Variants in KSR1 observed in about 807,000 individuals in gnomAD.
KSR1 encodes kinase suppressor of ras 1.
Under a neutral mutation model 92.9 loss-of-function variants are expected in KSR1, and 35 were observed. The observed-to-expected ratio is 0.38, with a 90% CI of 0.29 to 0.50. The LOEUF (loss-of-function observed/expected upper bound fraction) is 0.50, where lower values mean the gene tolerates loss of function less well. Ranked by LOEUF, KSR1 falls within the 20% of genes least tolerant of loss-of-function variation. KSR1 has a pLI of 0.94. For missense variants in KSR1, 972 were observed against 1,158.5 expected (o/e 0.84, Z 2.34); for synonymous variants, 467 against 472.6 (o/e 0.99, Z 0.15).
chr17:27,623,371 G>C lies in KSR1; in HGVS notation c.2766G>C (p.Glu922Asp). Residue 922 changes from glutamate to aspartate, a missense_variant, in exon 21 of 21, where the codon GAG becomes GAC. Glu to Asp is a conservative substitution (Grantham distance 45). Transcript: ENST00000644974. ...AAAGGTTTGGCTTGGGCGTCCTGGAGTCCAGTAATCCAAAGATGTAGCCAG... is the reference window on the plus strand; with the variant it reads ...AAAGGTTTGGCTTGGGCGTCCTGGACTCCAGTAATCCAAAGATGTAGCCAG... ...RFERFGLGVL[E>D]SSNPKM is the part of the protein sequence containing the mutation. 1 of 765,080 alleles carries C rather than the reference G, an allele frequency of 1.3e-6. No homozygotes were observed. The highest frequency in any genetic ancestry group is 2.4e-5 in the East Asian group (1 of 41,252). The allele number at this position is 765,080 out of a possible 1,614,324, so 47.4% of individuals were successfully genotyped here. A position where few individuals can be genotyped will look rare whatever the true frequency, so the allele number is the denominator to read the frequency against.
At chr17:27,508,878 T>A (rs1480876134) in intron 1 of KSR1, among the ~76,000 whole-genome samples, 1 of 151,994 alleles carries the variant, frequency 6.6e-6, no homozygotes, top group Admixed American at 6.6e-5. Context: ...TACAGATGCC[T>A]GCCACCATGC....
intron 1 of KSR1, among the ~76,000 whole-genome samples, chr17:27,530,437 C>T (rs1461245600): frequency 6.6e-6 from 1 of 151,220 alleles, no homozygotes; most frequent in South Asian, 2.1e-4. Context: ...AGAGTGAGAC[C>T]CTGTCTCAAA....
intron 1 of KSR1, among the ~76,000 whole-genome samples, chr17:27,457,697 T>G (rs1165097159): frequency 6.6e-6 from 1 of 152,174 alleles, no homozygotes; most frequent in Non-Finnish European, 1.5e-5. Context: ...CCGAGGGTTG[T>G]TGGGGCACCC....
chr17:27,592,287 T>G, intron 7 of KSR1, 74 bp from the exon 8 acceptor site: 1 of 1,166,832 alleles, frequency 8.6e-7, no homozygotes, highest in South Asian at 1.3e-5. Context: ...GAGTGAATGC[T>G]ACACAGAGCT....
rs1354789056 is a variant in KSR1, at chr17:27,624,618, C to CT, written c.*1228dup. 6.6e-6 allele frequency: 1 copy of CT among 152,080 alleles called. No individual in the cohort carries two copies. Among genetic ancestry groups the CT allele is most frequent in the Non-Finnish European group, 1.5e-5 (1 of 68,022 alleles). The allele number at this position is 152,080 out of a possible 1,614,324, so 9.4% of individuals were successfully genotyped here. ...ACCACGCTTGTCTTCGTTAGAAACT[C>CT]TTAACTGCAGAAAAAAGTTCCAGAT... On this transcript the variant is annotated 3_prime_UTR_variant, in exon 21 of 21. Coordinates refer to ENST00000644974, the MANE Select transcript of KSR1 (RefSeq NM_001394583.1).
Position 27,625,821 on chromosome 17 carries a change from G to C in KSR1, c.*2429G>C, listed in dbSNP as rs2074328741. 6.6e-6 allele frequency: 1 copy of C among 152,294 alleles called. No homozygotes were observed. Among genetic ancestry groups the C allele is most frequent in the Non-Finnish European group, 1.5e-5 (1 of 68,084 alleles). The allele number at this position is 152,294 out of a possible 1,614,324, so 9.4% of individuals were successfully genotyped here. ...TGCGGAAGTCCCCACGGGGGTCTGA[G>C]AGTGGAGCCCAAGCTTTGGCCCTCC... On this transcript the variant is annotated 3_prime_UTR_variant, in exon 21 of 21. Transcript: ENST00000644974.
At chr17:27,521,362 G>T (rs1219022165) in intron 1 of KSR1, among the ~76,000 whole-genome samples, 3 of 149,592 alleles carry the variant, frequency 2.0e-5, no homozygotes, top group Admixed American at 2.0e-4. Flanking sequence ...TTGAAACAGG[G>T]TCTAGCTCCA....
At chr17:27,460,761 G>A (rs117592511) in intron 1 of KSR1, among the ~76,000 whole-genome samples, 5 of 152,236 alleles carry the variant, frequency 3.3e-5, no homozygotes, top group Non-Finnish European at 5.9e-5. Flanking sequence ...AGCATCTGAT[G>A]ATGGAACTGC....
At chr17:27,458,520 C>T (rs2019286689) in intron 1 of KSR1, among the ~76,000 whole-genome samples, 1 of 152,158 alleles carries the variant, frequency 6.6e-6, no homozygotes, top group Non-Finnish European at 1.5e-5. Flanking sequence ...GCCTTTTGTC[C>T]TACCCTAACT....
chr17:27,487,905 G>A (rs960796099), intron 1 of KSR1, among the ~76,000 whole-genome samples: 1 of 152,114 alleles, frequency 6.6e-6, no homozygotes, highest in Admixed American at 6.5e-5. Context: ...CCATGACGGT[G>A]GGGACAGCAC....
intron 1 of KSR1, among the ~76,000 whole-genome samples, chr17:27,480,646 G>A (rs1393286259): frequency 6.6e-6 from 1 of 152,146 alleles, no homozygotes; most frequent in Non-Finnish European, 1.5e-5. Context: ...CGATCCACCC[G>A]CTTCGGCCTC....
At chr17:27,584,044 G>A in intron 4 of KSR1, 1 of 901,644 alleles carries the variant, frequency 1.1e-6, no homozygotes, top group Non-Finnish European at 1.3e-6. Flanking sequence ...ATGGGCGTTA[G>A]ATCATTGTCT....
chr17:27,555,242 G>A (rs970760412), intron 2 of KSR1, among the ~76,000 whole-genome samples: 3 of 152,098 alleles, frequency 2.0e-5, no homozygotes, highest in Non-Finnish European at 4.4e-5. Context: ...GGGGTAGGTG[G>A]GTTAAGCTCC....
chr17:27,526,769 A>G (rs1359553328), intron 1 of KSR1: 1 of 1,164,552 alleles, frequency 8.6e-7, no homozygotes, highest in Non-Finnish European at 1.3e-6. Flanking sequence ...ATCATCGCAC[A>G]GTTCTCTATT....
intron 4 of KSR1, among the ~76,000 whole-genome samples, chr17:27,583,651 G>A (rs192514937): frequency 4.6e-5 from 7 of 152,338 alleles, no homozygotes; most frequent in African/African-American, 1.7e-4. Flanking sequence ...GGAATATTTG[G>A]CAGAAACCAC....
rs548076161 is a variant in KSR1 at position 27,489,332 on chromosome 17, C to T, written c.231+32458C>T. Among the ~76,000 whole-genome samples, 16 of 152,302 alleles carry T rather than the reference C, an allele frequency of 1.1e-4. No individual in the cohort carries two copies. The East Asian group carries it at 1.5e-3, about 15-fold the overall frequency. On this transcript the variant is annotated intron_variant, in intron 1 of 20. Transcript: ENST00000644974. ...TTCTTTTGATTGTGCAACATCCCTG[C>T]GAGGGATCTGGGTCTGCCCTTCTGC...
chr17:27,617,654 A>C (rs553256517), intron 19 of KSR1: 1,026 of 495,314 alleles, frequency 2.1e-3, no homozygotes, highest in Non-Finnish European at 3.5e-3. Flanking sequence ...CAGCCTCCCG[A>C]GTAGCTGGGA....
rs1471901386 is a variant in KSR1, at chr17:27,547,835, C to T, written c.232-2733C>T. 2.0e-5 allele frequency among the ~76,000 whole-genome samples: 3 copies of T among 152,302 alleles called. No homozygotes were observed. The East Asian group carries it at 5.8e-4, about 29-fold the overall frequency. ...TCAAGTGATTCTCCTGCCTCAGCCT[C>T]CCGAGTAGCTGGGATTACCGGCGTG... is the stretch of plus-strand genomic sequence containing the variant. On this transcript the variant is annotated intron_variant, in intron 1 of 20. Coordinates refer to ENST00000644974, the MANE Select transcript of KSR1 (RefSeq NM_001394583.1).
intron 1 of KSR1, among the ~76,000 whole-genome samples, chr17:27,526,032 C>CTTTTG (rs1567792421): frequency 1.0e-5 from 1 of 99,356 alleles, no homozygotes; most frequent in Non-Finnish European, 1.8e-5. Flanking sequence ...CTTTTCTTTT[C>CTTTTG]TTTTCTTTTC....
Sources: gnomAD v4.1 joint callset for allele counts (sites outside exome capture counted in the v4.1 genomes callset) on GRCh38, gnomAD v4.1.1 for gene constraint, MANE v1.5 for transcripts, NCBI Gene and HGNC (gene_info 2026-07-23, HGNC 2026-07-21) for gene names.